VSTM2B: variants seen among roughly 807,000 people sequenced by gnomAD.
The protein encoded by VSTM2B is V-set and transmembrane domain containing 2B.
In VSTM2B, 24 loss-of-function variants were observed where a neutral mutation model predicts 24.0. The observed-to-expected ratio is 1.00, with a 90% CI of 0.72 to 1.40. VSTM2B has a LOEUF of 1.40. Ranked by LOEUF, VSTM2B falls within the 40% of genes most tolerant of loss-of-function variation. VSTM2B has a pLI of 0.00. For missense variants in VSTM2B, 399 were observed against 416.4 expected (o/e 0.96, Z 0.36); for synonymous variants, 226 against 194.4 (o/e 1.16, Z -1.35).
At chr19:29,559,831 T>G (rs991609828) in intron 4 of VSTM2B, among the ~76,000 whole-genome samples, 3 of 152,234 alleles carry the variant, frequency 2.0e-5, no homozygotes, top group Admixed American at 6.5e-5. Flanking sequence ...TTGTTAGCTT[T>G]TGATACATAA....
At chr19:29,528,565 C>T (rs1453086891) in intron 3 of VSTM2B, 103 bp downstream of exon 3, 14 of 1,405,744 alleles carry the variant, frequency 1.0e-5, no homozygotes, top group Non-Finnish European at 1.4e-5. Flanking sequence ...CATGTGGGGC[C>T]GCGCAAGTAG....
intron 4 of VSTM2B, among the ~76,000 whole-genome samples, chr19:29,536,607 C>T (rs1377392124): frequency 6.6e-6 from 1 of 152,206 alleles, no homozygotes; most frequent in Non-Finnish European, 1.5e-5. Flanking sequence ...ACCGGCTTTC[C>T]TCCTTCCCAC....
intron 4 of VSTM2B, among the ~76,000 whole-genome samples, chr19:29,553,262 G>A (rs750271045): frequency 1.6e-4 from 24 of 152,316 alleles, no homozygotes; most frequent in Non-Finnish European, 1.0e-4. Flanking sequence ...CATCTTTGCT[G>A]TTCTGTAGCC....
Position 29,530,309 on chromosome 19 carries a change from G to A in VSTM2B, c.769+19G>A, listed in dbSNP as rs1006678969. On this transcript the variant is annotated intron_variant, in intron 4 of 4. Coordinates refer to ENST00000335523, the MANE Select transcript of VSTM2B (RefSeq NM_001146339.2). ...GGCTCGGGTAAGGGATCGCGGAGAGGGGGCGCACGCGCGGGGATGGCGCAG... is the reference window on the plus strand; with the variant it reads ...GGCTCGGGTAAGGGATCGCGGAGAGAGGGCGCACGCGCGGGGATGGCGCAG... The A allele has an allele frequency of 3.4e-6, 5 of 1,480,336 alleles. No homozygotes were observed. In the Admixed American group the frequency reaches 9.5e-5, roughly 28 times the overall value. 91.7% of individuals were successfully genotyped at this position (1,480,336 alleles called of 1,614,324 possible). A position where few individuals can be genotyped will look rare whatever the true frequency, so the allele number is the denominator to read the frequency against.
At chr19:29,528,590 C>T in intron 3 of VSTM2B, 128 bp downstream of exon 3, 1 of 1,196,286 alleles carries the variant, frequency 8.4e-7, no homozygotes, top group East Asian at 2.6e-5. Flanking sequence ...GCGATCGCAG[C>T]CTTGCATCGG....
At chr19:29,536,092 T>A (rs528626828) in intron 4 of VSTM2B, among the ~76,000 whole-genome samples, 1 of 152,190 alleles carries the variant, frequency 6.6e-6, no homozygotes, top group African/African-American at 2.4e-5. Context: ...ACAGCAGCAA[T>A]CTTACGCCAT....
chr19:29,527,195 C>T lies in VSTM2B; in HGVS notation c.83-16C>T. ...CCTACAGCTGGTCACGCCTCTCTCT[C>T]TCTCCCCACCCCCAGCTGCATTCAC... On this transcript the variant is annotated splice_polypyrimidine_tract_variant and intron_variant, in intron 1 of 4. Transcript: ENST00000335523. 6.5e-7 allele frequency: 1 copy of T among 1,544,510 alleles called. No homozygotes were observed. Among genetic ancestry groups the T allele is most frequent in the South Asian group, 1.2e-5 (1 of 83,292 alleles).
intron 4 of VSTM2B, among the ~76,000 whole-genome samples, chr19:29,555,758 C>T (rs1171861869): frequency 6.6e-6 from 1 of 151,970 alleles, no homozygotes; most frequent in Non-Finnish European, 1.5e-5. Context: ...TACAAACAAC[C>T]ATCAGAGAAT....
rs1970591870 is a variant in VSTM2B, at chr19:29,563,940, A to G, written c.*6A>G. 4 of 1,552,266 alleles carry G rather than the reference A, an allele frequency of 2.6e-6. No individual in the cohort carries two copies. Among genetic ancestry groups the G allele is most frequent in the Non-Finnish European group, 3.5e-6 (4 of 1,147,038 alleles). On this transcript the variant is annotated 3_prime_UTR_variant, in exon 5 of 5. Coordinates refer to ENST00000335523, the MANE Select transcript of VSTM2B (RefSeq NM_001146339.2). ...GCCTGCTCTTGGGACATTGACAGAC[A>G]AGACCAACCCGAGCATCTCAGAGGC...
chr19:29,527,946 GCA>G (rs750748709), intron 2 of VSTM2B, among the ~76,000 whole-genome samples: 2 of 151,960 alleles, frequency 1.3e-5, no homozygotes, highest in Non-Finnish European at 2.9e-5. Flanking sequence ...GTGCTCGCGT[GCA>G]CACACACCTA....
rs1398975625 is a variant in VSTM2B at position 29,529,897 on chromosome 19, G to A, written c.376G>A (p.Glu126Lys). 3.9e-6 allele frequency: 6 copies of A among 1,550,324 alleles called. No individual in the cohort carries two copies. Among genetic ancestry groups the A allele is most frequent in the East Asian group, 2.4e-5 (1 of 40,908 alleles). Residue 126 changes from glutamate (E) to lysine (K), a missense_variant, in exon 4 of 5, where the codon GAG becomes AAG. Physicochemically the swap from Glu to Lys is moderately conservative, Grantham distance 56 (BLOSUM62 1). Coordinates refer to ENST00000335523, the MANE Select transcript of VSTM2B (RefSeq NM_001146339.2). ...AVRLQDEGVY[E>K]CRVSDYSDDD... is the part of the protein sequence containing the mutation. ...GCGGCTGCAGGACGAGGGCGTGTAC[G>A]AGTGCCGCGTGTCGGACTACAGCGA... is the stretch of plus-strand genomic sequence containing the variant.
At chr19:29,562,467 G>C (rs770470355) in intron 4 of VSTM2B, among the ~76,000 whole-genome samples, 2 of 152,186 alleles carry the variant, frequency 1.3e-5, no homozygotes, top group Non-Finnish European at 2.9e-5. Flanking sequence ...ACTGAAAATT[G>C]ACACAGGGTA....
chr19:29,551,819 G>A (rs1000716245), intron 4 of VSTM2B, among the ~76,000 whole-genome samples: 1 of 152,158 alleles, frequency 6.6e-6, no homozygotes, highest in Non-Finnish European at 1.5e-5. Flanking sequence ...TTAGCATCCA[G>A]TCAATGCATC....
chr19:29,547,957 A>C (rs1411872598), intron 4 of VSTM2B, among the ~76,000 whole-genome samples: 1 of 152,122 alleles, frequency 6.6e-6, no homozygotes, highest in Non-Finnish European at 1.5e-5. Flanking sequence ...TCCTGTGGGC[A>C]GAGGGCAGTC....
At chr19:29,532,293 C>T (rs1251464384) in intron 4 of VSTM2B, among the ~76,000 whole-genome samples, 1 of 152,170 alleles carries the variant, frequency 6.6e-6, no homozygotes. Context: ...GGATGTAGGG[C>T]CCGCTGGGAA....
chr19:29,552,248 C>G (rs183626760), intron 4 of VSTM2B, among the ~76,000 whole-genome samples: 1 of 152,172 alleles, frequency 6.6e-6, no homozygotes, highest in East Asian at 1.9e-4. Context: ...TTTGGGAAAC[C>G]TAGATTGTTT....
chr19:29,546,681 C>CA (rs1555750718), intron 4 of VSTM2B, among the ~76,000 whole-genome samples: 2 of 151,048 alleles, frequency 1.3e-5, no homozygotes, highest in Non-Finnish European at 3.0e-5. Context: ...CCCCCACCCC[C>CA]ACCCCGGTGC....
chr19:29,559,017 G>A (rs1458913124), intron 4 of VSTM2B, among the ~76,000 whole-genome samples: 1 of 152,184 alleles, frequency 6.6e-6, no homozygotes, highest in African/African-American at 2.4e-5. Context: ...GTTGGTGGGA[G>A]TGTAAATTAG....
At position 29,551,425 on chromosome 19, in the gene VSTM2B, C is replaced by G. The variant is rs377557768; in HGVS notation, c.770-12421C>G. On this transcript the variant is annotated intron_variant, in intron 4 of 4. Coordinates refer to ENST00000335523, the MANE Select transcript of VSTM2B (RefSeq NM_001146339.2). ...TGAAATGAGGAATTTCCCAGACAAGCTGCTGGGCTGGCACCTTTAGTGTGC... is the reference window on the plus strand; with the variant it reads ...TGAAATGAGGAATTTCCCAGACAAGGTGCTGGGCTGGCACCTTTAGTGTGC... Among the ~76,000 whole-genome samples the G allele has an allele frequency of 8.5e-4, 128 of 150,130 alleles. No homozygotes were observed. The Middle Eastern group carries it at 0.014, about 16-fold the overall frequency.
Sources: allele counts gnomAD v4.1 joint callset (sites outside exome capture counted in the v4.1 genomes callset), GRCh38; gene constraint gnomAD v4.1.1; transcripts MANE v1.5; gene names NCBI Gene and HGNC (gene_info 2026-07-23, HGNC 2026-07-21).